NR6A1: variants seen among roughly 807,000 people sequenced by gnomAD.
NR6A1 encodes the protein retinoic acid receptor-related testis-associated receptor.
In NR6A1, 7 loss-of-function variants were observed where a neutral mutation model predicts 59.1. That is an observed-to-expected ratio of 0.12 (90% CI 0.07 to 0.22). NR6A1 has a LOEUF of 0.22. Among genes scored for constraint, NR6A1 ranks in the 10% least tolerant of loss-of-function variants. The probability of loss-of-function intolerance (pLI) is 1.00; values close to 1 mark genes in which losing one functional copy is unlikely to be tolerated. For synonymous variants in NR6A1, 243 were observed against 236.1 expected, an observed-to-expected ratio of 1.03 and a Z score of -0.27; for missense variants, 468 against 611.6, an observed-to-expected ratio of 0.77 and a Z score of 2.48.
intron 2 of NR6A1, among the ~76,000 whole-genome samples, chr9:124,673,152 T>C (rs1301862746): frequency 6.6e-6 from 1 of 152,034 alleles, no homozygotes; most frequent in Non-Finnish European, 1.5e-5. Flanking sequence ...CAAAACTCCA[T>C]CTCCAGAAAA....
chr9:124,523,595 T>G (rs534156109), intron 9 of NR6A1, among the ~76,000 whole-genome samples: 2 of 150,822 alleles, frequency 1.3e-5, no homozygotes, highest in Non-Finnish European at 2.9e-5. Context: ...TGGAGGAGAG[T>G]GGCATGTAAT....
intron 2 of NR6A1, among the ~76,000 whole-genome samples, chr9:124,630,968 G>A (rs140562959): frequency 1.5e-4 from 23 of 151,972 alleles, no homozygotes; most frequent in Middle Eastern, 3.4e-3. Flanking sequence ...CCACTATGCC[G>A]GGCCCTACAT....
chr9:124,603,349 A>G (rs1206168535), intron 2 of NR6A1, among the ~76,000 whole-genome samples: 1 of 152,060 alleles, frequency 6.6e-6, no homozygotes, highest in East Asian at 1.9e-4. Context: ...TAGTGCATTC[A>G]TATTCTTCTT....
intron 2 of NR6A1, among the ~76,000 whole-genome samples, chr9:124,584,161 G>A (rs966133309): frequency 2.9e-4 from 44 of 149,836 alleles, no homozygotes; most frequent in African/African-American, 3.7e-4. Context: ...AGTGGGTGGC[G>A]CAATCTCAGC....
intron 2 of NR6A1, among the ~76,000 whole-genome samples, chr9:124,690,234 CT>C (rs1048691909): frequency 2.0e-5 from 3 of 152,168 alleles, no homozygotes; most frequent in Non-Finnish European, 4.4e-5. Context: ...TTATGTGCTG[CT>C]GAAGCAAACA....
intron 2 of NR6A1, among the ~76,000 whole-genome samples, chr9:124,665,008 TCCAAAAAAAAAAA>T (rs1230480494): frequency 1.2e-4 from 3 of 24,678 alleles, no homozygotes; most frequent in Admixed American, 6.1e-4. Flanking sequence ...TCCTTGTATC[TCCAAAAAAAAAAA>T]AAAAAAAAAA....
intron 2 of NR6A1, chr9:124,692,606 CAT>C (rs1838593979): frequency 2.7e-6 from 1 of 365,340 alleles, no homozygotes; most frequent in Admixed American, 2.7e-5. Flanking sequence ...TCACATGTCA[CAT>C]GAGTTCACCA....
At chr9:124,696,123 G>A (rs1838750477) in intron 2 of NR6A1, among the ~76,000 whole-genome samples, 1 of 152,150 alleles carries the variant, frequency 6.6e-6, no homozygotes, top group African/African-American at 2.4e-5. Context: ...CACTGAAAAG[G>A]TAAAAGGACA....
chr9:124,750,617 G>C (rs548300950), intron 1 of NR6A1, among the ~76,000 whole-genome samples: 2 of 152,032 alleles, frequency 1.3e-5, no homozygotes, highest in East Asian at 3.9e-4. Context: ...AAAATTAGCC[G>C]GGCGTGGTGG....
At chr9:124,646,712 G>T (rs901498188) in intron 2 of NR6A1, among the ~76,000 whole-genome samples, 3 of 152,108 alleles carry the variant, frequency 2.0e-5, no homozygotes, top group Non-Finnish European at 4.4e-5. Flanking sequence ...GAAAGTTTAC[G>T]AACTTGTGTT....
chr9:124,551,043 C>T (rs138190470), intron 3 of NR6A1, among the ~76,000 whole-genome samples: 1 of 152,216 alleles, frequency 6.6e-6, no homozygotes, highest in East Asian at 1.9e-4. Flanking sequence ...GATATGCTTC[C>T]TTTCTTTTTT....
chr9:124,601,516 G>A (rs1439850721), intron 2 of NR6A1, among the ~76,000 whole-genome samples: 12 of 150,252 alleles, frequency 8.0e-5, no homozygotes, highest in Admixed American at 6.0e-4. Context: ...CCTGGGAGGC[G>A]GAGCTTGCAG....
intron 2 of NR6A1, among the ~76,000 whole-genome samples, chr9:124,655,314 C>T (rs1755964107): frequency 6.6e-6 from 1 of 152,170 alleles, no homozygotes; most frequent in Admixed American, 6.5e-5. Flanking sequence ...GTTCAAATCC[C>T]AGTTATACAT....
At chr9:124,654,244 A>C (rs377305503) in intron 2 of NR6A1, among the ~76,000 whole-genome samples, 2 of 152,238 alleles carry the variant, frequency 1.3e-5, no homozygotes, top group African/African-American at 4.8e-5. Flanking sequence ...TCAGAGGACT[A>C]AACATAGACA....
At chr9:124,652,454 A>G (rs1225818501) in intron 2 of NR6A1, among the ~76,000 whole-genome samples, 1 of 152,206 alleles carries the variant, frequency 6.6e-6, no homozygotes, top group Non-Finnish European at 1.5e-5. Flanking sequence ...TGAGGATAAT[A>G]CTGTTCCCCT....
chr9:124,676,015 C>T (rs2067791), intron 2 of NR6A1, among the ~76,000 whole-genome samples: 59,768 of 151,968 alleles, frequency 0.39, 14,348 homozygotes, highest in Admixed American at 0.56. Flanking sequence ...TAGATACCCA[C>T]GCTAAGAGAA....
intron 2 of NR6A1, among the ~76,000 whole-genome samples, chr9:124,706,685 T>C (rs1349049290): frequency 6.6e-6 from 1 of 152,066 alleles, no homozygotes; most frequent in East Asian, 1.9e-4. Context: ...CACCAGCTAA[T>C]TTTTGTATTT....
intron 2 of NR6A1, among the ~76,000 whole-genome samples, chr9:124,605,677 A>T (rs1835558584): frequency 6.6e-6 from 1 of 152,236 alleles, no homozygotes; most frequent in Non-Finnish European, 1.5e-5. Context: ...TGAAATAATG[A>T]TACTTAAGAT....
intron 2 of NR6A1, among the ~76,000 whole-genome samples, chr9:124,719,920 A>G (rs1405497895): frequency 6.6e-6 from 1 of 152,004 alleles, no homozygotes; most frequent in Non-Finnish European, 1.5e-5. Context: ...CGTGTCCCCA[A>G]TCCATATAAA....
Sources: gnomAD v4.1 joint callset for allele counts (sites outside exome capture counted in the v4.1 genomes callset) on GRCh38, gnomAD v4.1.1 for gene constraint, MANE v1.5 for transcripts, NCBI Gene and HGNC (gene_info 2026-07-23, HGNC 2026-07-21) for gene names.